The following SNX7 variants were observed in gnomAD, a reference collection of about 807,000 sequenced individuals.
SNX7 encodes sorting nexin-7.
SNX7 carries 35 observed loss-of-function variants against 48.4 expected under a neutral mutation model. The observed-to-expected ratio is 0.72, with a 90% confidence interval of 0.55 to 0.96. The LOEUF (loss-of-function observed/expected upper bound fraction) is 0.96. Ranked by LOEUF, SNX7 falls within the 40% of genes least tolerant of loss-of-function variation. The probability of loss-of-function intolerance (pLI) is 0.00; values close to 1 mark genes in which losing one functional copy is unlikely to be tolerated. For synonymous variants in SNX7, 190 were observed against 190.2 expected (o/e 1.00, Z 0.01); for missense variants, 553 against 548.9 (o/e 1.01, Z -0.07).
intron 4 of SNX7, among the ~76,000 whole-genome samples, chr1:98,693,670 G>C (rs535559212): frequency 6.6e-6 from 1 of 152,278 alleles, no homozygotes; most frequent in South Asian, 2.1e-4. Flanking sequence ...GATGGCATCT[G>C]TTATTATTGG....
At chr1:98,740,605 A>T (rs1387422961) in intron 8 of SNX7, among the ~76,000 whole-genome samples, 5 of 152,092 alleles carry the variant, frequency 3.3e-5, no homozygotes, top group African/African-American at 7.2e-5. Context: ...TTCAACTAAA[A>T]TGTTTGGGTT....
intron 7 of SNX7, among the ~76,000 whole-genome samples, chr1:98,734,687 ATT>A (rs1216960957): frequency 6.6e-6 from 1 of 152,134 alleles, no homozygotes; most frequent in Non-Finnish European, 1.5e-5. Context: ...GTAGAAACAT[ATT>A]GTTTTGTTTG....
At chr1:98,699,482 C>T (rs954754505) in intron 6 of SNX7, among the ~76,000 whole-genome samples, 1 of 152,096 alleles carries the variant, frequency 6.6e-6, no homozygotes, top group Non-Finnish European at 1.5e-5. Context: ...TGGAATTTAG[C>T]AATGCTATCT....
chr1:98,681,976 CT>C (rs1003890517), intron 1 of SNX7, among the ~76,000 whole-genome samples: 19 of 151,786 alleles, frequency 1.3e-4, no homozygotes, highest in African/African-American at 4.4e-4. Flanking sequence ...CTCTCTTTTG[CT>C]TTCTCTCTCC....
At chr1:98,701,767 A>G (rs773127911) in intron 6 of SNX7, 50 bp from the exon 7 acceptor site, 1 of 1,274,506 alleles carries the variant, frequency 7.8e-7, no homozygotes, top group Admixed American at 2.1e-5. Flanking sequence ...TATAGGAAAG[A>G]TTATTAAAAC....
At chr1:98,705,128 A>T (rs539616595) in intron 7 of SNX7, among the ~76,000 whole-genome samples, 52 of 152,310 alleles carry the variant, frequency 3.4e-4, no homozygotes, top group African/African-American at 1.3e-3. Flanking sequence ...ATAATATCTG[A>T]CAGTGAGTCC....
At chr1:98,679,249 C>T (rs957374263) in intron 1 of SNX7, among the ~76,000 whole-genome samples, 5 of 152,116 alleles carry the variant, frequency 3.3e-5, no homozygotes, top group East Asian at 1.9e-4. Flanking sequence ...CATCAAATCT[C>T]GTGAAACGTA....
At chr1:98,691,906 C>CATATATAT (rs140633696) in intron 4 of SNX7, among the ~76,000 whole-genome samples, 1 of 112,880 alleles carries the variant, frequency 8.9e-6, no homozygotes, top group South Asian at 3.5e-4. Flanking sequence ...GTATCTTCTC[C>CATATATAT]ATATATATAC....
intron 1 of SNX7, among the ~76,000 whole-genome samples, chr1:98,663,551 G>A (rs894819020): frequency 6.6e-6 from 1 of 152,104 alleles, no homozygotes; most frequent in African/African-American, 2.4e-5. Context: ...CTCTGGGCGT[G>A]TTGGGGGTTG....
chr1:98,680,798 A>T (rs1411921791), intron 1 of SNX7, among the ~76,000 whole-genome samples: 1 of 152,272 alleles, frequency 6.6e-6, no homozygotes, highest in Non-Finnish European at 1.5e-5. Flanking sequence ...TTCATTGTCC[A>T]TGTCATTATC....
chr1:98,694,834 T>C (rs1364333588), intron 4 of SNX7, among the ~76,000 whole-genome samples: 1 of 151,840 alleles, frequency 6.6e-6, no homozygotes, highest in Non-Finnish European at 1.5e-5. Flanking sequence ...AGTCTCGATC[T>C]CCTGACCTCA....
In SNX7 at chr1:98,684,899, G is replaced by A. The variant is rs769331804; in HGVS notation, c.195G>A (p.Met65Ile). Residue 65 changes from methionine (M) to isoleucine (I), a missense_variant, in exon 2 of 9, where the codon ATG (methionine) becomes ATA (isoleucine). Met to Ile is a conservative substitution (Grantham distance 10). Transcript: ENST00000306121. ...LEVFSKDASL[M>I]DMNSFSPMMP... ...TTATTTCTTAGGATGCCTCATTGAT[G>A]GACATGAACTCCTTCAGCCCTATGA... The A allele has an allele frequency of 4.0e-6, 6 of 1,488,930 alleles. No homozygotes were observed. The highest frequency in any genetic ancestry group is 4.5e-6 in the Non-Finnish European group (5 of 1,112,006). 92.2% of individuals were successfully genotyped at this position (1,488,930 alleles called of 1,614,324 possible).
At chr1:98,734,805 A>G (rs1653691849) in intron 7 of SNX7, among the ~76,000 whole-genome samples, 1 of 152,128 alleles carries the variant, frequency 6.6e-6, no homozygotes, top group East Asian at 1.9e-4. Flanking sequence ...TTTTTTCACT[A>G]TCTTACAGTC....
chr1:98,682,997 T>C (rs1346741930), intron 1 of SNX7, among the ~76,000 whole-genome samples: 1 of 152,226 alleles, frequency 6.6e-6, no homozygotes, highest in Non-Finnish European at 1.5e-5. Context: ...TATATTGCTA[T>C]CATATTTTAA....
Position 98,738,376 on chromosome 1 carries a change from A to G in SNX7, c.1265A>G (p.His422Arg). The G allele has an allele frequency of 1.9e-6, 3 of 1,613,016 alleles. No homozygotes were observed. Among genetic ancestry groups the G allele is most frequent in the South Asian group, 1.1e-5 (1 of 90,978 alleles). The change falls in exon 8 of 9, where the codon CAT becomes CGT. Residue 422 changes from histidine (H) to arginine (R), a missense_variant. His to Arg is a conservative substitution (Grantham distance 29). Transcript: ENST00000306121. ...ACAGATATGGCTGAGGAGAATATCC[A>G]TTATTATGAACAGGTAATTAGTGTT... ...AFTDMAEENI[H>R]YYEQCLATWE...
In SNX7 at chr1:98,685,067, G is replaced by A; in HGVS notation, c.363G>A (p.Lys121=). The A allele has an allele frequency of 6.9e-7, 1 of 1,452,260 alleles. No individual in the cohort carries two copies. The highest frequency in any genetic ancestry group is 2.2e-5 in the Admixed American group (1 of 45,086). The allele number at this position is 1,452,260 out of a possible 1,614,324, so 90.0% of individuals were successfully genotyped here. Residue 121 remains lysine (K), a splice_region_variant and synonymous_variant, in exon 2 of 9, where the codon AAG becomes AAA. Transcript: ENST00000306121. ...ETFITYRIIT[K]TSRGEFDSSE... is the part of the protein sequence containing the mutation. ...TCATTACGTATAGGATTATTACTAA[G>A]GTAAACATTTGGTGAATATTTTCTT...
intron 1 of SNX7, among the ~76,000 whole-genome samples, chr1:98,678,879 A>G (rs1650320244): frequency 6.6e-6 from 1 of 152,190 alleles, no homozygotes; most frequent in Non-Finnish European, 1.5e-5. Flanking sequence ...ATTGAAAAAT[A>G]AAAAATAGCA....
intron 8 of SNX7, among the ~76,000 whole-genome samples, chr1:98,738,991 A>G (rs1653934770): frequency 6.6e-6 from 1 of 152,150 alleles, no homozygotes; most frequent in Admixed American, 6.5e-5. Context: ...TTATTACATT[A>G]ACAAAATTAT....
chr1:98,715,915 TCACA>T (rs370058489), intron 7 of SNX7, among the ~76,000 whole-genome samples: 1 of 150,928 alleles, frequency 6.6e-6, no homozygotes, highest in East Asian at 1.9e-4. Context: ...TTAATCATAT[TCACA>T]CACACACACA....
Sources: gnomAD v4.1 joint callset for allele counts (sites outside exome capture counted in the v4.1 genomes callset) on GRCh38, gnomAD v4.1.1 for gene constraint, MANE v1.5 for transcripts, NCBI Gene and HGNC (gene_info 2026-07-23, HGNC 2026-07-21) for gene names.